The following PCDH9 variants were observed in gnomAD, a reference collection of about 807,000 sequenced individuals.
PCDH9 encodes the protein protocadherin 9.
In PCDH9, 24 loss-of-function variants were observed where a neutral mutation model predicts 70.6. The observed-to-expected ratio is 0.34, with a 90% CI of 0.25 to 0.48. PCDH9 has a LOEUF of 0.48. PCDH9 is among the 20% of genes least tolerant of loss of function. PCDH9 has a pLI of 0.99. For synonymous variants in PCDH9, 562 were observed against 558.5 expected (o/e 1.01, Z -0.09); for missense variants, 1,281 against 1,503.6 (o/e 0.85, Z 2.45).
intron 3 of PCDH9, among the ~76,000 whole-genome samples, chr13:66,678,658 C>G (rs1283721083): frequency 6.6e-6 from 1 of 152,018 alleles, no homozygotes; most frequent in African/African-American, 2.4e-5. Flanking sequence ...CACTTAAAAA[C>G]CTATTTATGT....
At chr13:66,378,091 A>C (rs1956781230) in intron 4 of PCDH9, among the ~76,000 whole-genome samples, 3 of 152,338 alleles carry the variant, frequency 2.0e-5, no homozygotes, top group Admixed American at 1.3e-4. Context: ...ATGAGACTCT[A>C]GGTTACATTT....
intron 2 of PCDH9, among the ~76,000 whole-genome samples, chr13:67,001,222 C>T (rs779774010): frequency 2.1e-4 from 32 of 152,048 alleles, no homozygotes; most frequent in Non-Finnish European, 4.0e-4. Flanking sequence ...GTTTGGATTA[C>T]GATTCAAATA....
chr13:67,060,414 T>C (rs867764978), intron 2 of PCDH9, among the ~76,000 whole-genome samples: 1 of 152,126 alleles, frequency 6.6e-6, no homozygotes, highest in South Asian at 2.1e-4. Context: ...CACGAACACC[T>C]GGCTTTGTTT....
At chr13:67,193,320 A>G (rs2138026683) in intron 2 of PCDH9, among the ~76,000 whole-genome samples, 1 of 141,596 alleles carries the variant, frequency 7.1e-6, no homozygotes, top group Admixed American at 7.5e-5. Flanking sequence ...GCTTTGTGCT[A>G]CTGGAGATTA....
intron 2 of PCDH9, among the ~76,000 whole-genome samples, chr13:67,039,678 G>T (rs1427620238): frequency 6.6e-6 from 1 of 152,088 alleles, no homozygotes; most frequent in African/African-American, 2.4e-5. Flanking sequence ...CTGTTTATTT[G>T]TATTTTTATA....
chr13:66,831,072 T>C (rs1443403814), intron 3 of PCDH9, among the ~76,000 whole-genome samples: 1 of 151,750 alleles, frequency 6.6e-6, no homozygotes, highest in Non-Finnish European at 1.5e-5. Context: ...CTCTAGGAGG[T>C]TTAAGGGAAA....
At chr13:67,006,600 G>T (rs1432020464) in intron 2 of PCDH9, among the ~76,000 whole-genome samples, 1 of 152,166 alleles carries the variant, frequency 6.6e-6, no homozygotes, top group South Asian at 2.1e-4. Context: ...GAAGAAGAAA[G>T]CAGATTGGCG....
intron 3 of PCDH9, among the ~76,000 whole-genome samples, chr13:66,708,099 G>A (rs1377467489): frequency 1.3e-5 from 2 of 151,406 alleles, no homozygotes; most frequent in Non-Finnish European, 2.9e-5. Flanking sequence ...GCCCAGGCTG[G>A]AGTGCAGTGG....
At chr13:66,913,563 C>T (rs1013081937) in intron 2 of PCDH9, among the ~76,000 whole-genome samples, 1 of 151,964 alleles carries the variant, frequency 6.6e-6, no homozygotes, top group African/African-American at 2.4e-5. Context: ...GTTTCACAGC[C>T]TTGGTGGCCT....
intron 2 of PCDH9, among the ~76,000 whole-genome samples, chr13:67,083,429 T>C (rs2086027274): frequency 6.6e-6 from 1 of 152,172 alleles, no homozygotes; most frequent in Non-Finnish European, 1.5e-5. Context: ...AGAGTGTCTA[T>C]ATATCAATTT....
chr13:66,520,620 G>A (rs1385095195), intron 4 of PCDH9, among the ~76,000 whole-genome samples: 1 of 152,124 alleles, frequency 6.6e-6, no homozygotes, highest in African/African-American at 2.4e-5. Flanking sequence ...CTTTCCAATG[G>A]TGGAATCTTC....
chr13:66,708,341 G>A (rs1047251504), intron 3 of PCDH9, among the ~76,000 whole-genome samples: 2 of 151,432 alleles, frequency 1.3e-5, no homozygotes, highest in Admixed American at 6.6e-5. Flanking sequence ...GAGCCACCGC[G>A]CCCGGCCCCA....
chr13:66,516,765 T>G (rs1243151459), intron 4 of PCDH9, among the ~76,000 whole-genome samples: 1 of 152,066 alleles, frequency 6.6e-6, no homozygotes, highest in Admixed American at 6.6e-5. Flanking sequence ...TGTCTATGTG[T>G]GTGTGTGCTT....
At chr13:66,893,650 C>T (rs2082130047) in intron 3 of PCDH9, among the ~76,000 whole-genome samples, 1 of 152,130 alleles carries the variant, frequency 6.6e-6, no homozygotes, top group South Asian at 2.1e-4. Flanking sequence ...AATCAACCTA[C>T]ACTGAGATGC....
In PCDH9 at chr13:67,059,535, T is replaced by A. The variant is rs987891986; in HGVS notation, c.3037-155930A>T. 2.0e-5 allele frequency among the ~76,000 whole-genome samples: 3 copies of A among 151,074 alleles called. No homozygotes were observed. In the South Asian group the frequency reaches 6.2e-4, roughly 31 times the overall value. On this transcript the variant is annotated intron_variant, in intron 2 of 4. Transcript: ENST00000377865. ...AGTGGTCAAAGAGGGCCTCTCACAA[T>A]AGAGCAGTGACCGGGATTATACAAG...
chr13:67,044,286 G>C (rs941388994), intron 2 of PCDH9, among the ~76,000 whole-genome samples: 5 of 152,128 alleles, frequency 3.3e-5, no homozygotes, highest in African/African-American at 1.2e-4. Context: ...AATACTCTTT[G>C]CTTCAGAAAA....
intron 2 of PCDH9, among the ~76,000 whole-genome samples, chr13:67,181,992 T>C (rs1402603800): frequency 2.0e-5 from 3 of 152,170 alleles, no homozygotes; most frequent in African/African-American, 4.8e-5. Flanking sequence ...CTTTGTGTCC[T>C]GTGGTGGTTC....
In PCDH9 at chr13:66,740,667, T is replaced by G. The variant is rs1189675960; in HGVS notation, c.3139-109256A>C. On this transcript the variant is annotated intron_variant, in intron 3 of 4. Transcript: ENST00000377865. ...AAAATGATAAAGGGGATATCACCAC[T>G]GATCCCACAGAAATACAAACTACCA... Among the ~76,000 whole-genome samples, 4 of 151,264 alleles carry G rather than the reference T, an allele frequency of 2.6e-5. No homozygotes were observed. In the East Asian group the frequency reaches 7.8e-4, roughly 29 times the overall value.
At chr13:67,043,791 T>C (rs879862137) in intron 2 of PCDH9, among the ~76,000 whole-genome samples, 2 of 152,152 alleles carry the variant, frequency 1.3e-5, no homozygotes, top group Non-Finnish European at 2.9e-5. Context: ...TTTGTGGCCA[T>C]AGGATGGCTT....
Sources: allele counts gnomAD v4.1 joint callset (sites outside exome capture counted in the v4.1 genomes callset), GRCh38; gene constraint gnomAD v4.1.1; transcripts MANE v1.5; gene names NCBI Gene and HGNC (gene_info 2026-07-23, HGNC 2026-07-21).